The following RSRC1 variants were observed in gnomAD, a reference collection of about 807,000 sequenced individuals.
RSRC1 encodes serine/Arginine-related protein 53.
RSRC1 carries 39 observed loss-of-function variants against 49.1 expected under a neutral mutation model. The ratio of observed to expected loss-of-function variants is 0.79; its 90% CI spans 0.61 to 1.04. The LOEUF (loss-of-function observed/expected upper bound fraction) is 1.04, where lower values mean the gene tolerates loss of function less well. Among genes scored for constraint, RSRC1 ranks in the 50% least tolerant of loss-of-function variants. The pLI is 0.00. For synonymous variants in RSRC1, 143 were observed against 130.8 expected, an observed-to-expected ratio of 1.09 and a Z score of -0.63; for missense variants, 388 against 402.4, an observed-to-expected ratio of 0.96 and a Z score of 0.31.
intron 7 of RSRC1, among the ~76,000 whole-genome samples, chr3:158,474,456 G>A (rs1738281647): frequency 6.6e-6 from 1 of 152,164 alleles, no homozygotes; most frequent in Non-Finnish European, 1.5e-5. Context: ...GTTGATGGGT[G>A]CTCACTGATC....
intron 6 of RSRC1, among the ~76,000 whole-genome samples, chr3:158,367,115 C>G (rs557266150): frequency 2.4e-4 from 36 of 152,256 alleles, no homozygotes; most frequent in African/African-American, 8.2e-4. Flanking sequence ...TTCCTCTCTT[C>G]CTATTTGAAT....
chr3:158,151,361 T>A (rs927142451), intron 3 of RSRC1, among the ~76,000 whole-genome samples: 4 of 152,202 alleles, frequency 2.6e-5, no homozygotes, highest in African/African-American at 9.6e-5. Context: ...ACTCTGTGAC[T>A]TTGTGTCTTC....
chr3:158,145,447 T>G (rs961162721), intron 3 of RSRC1, among the ~76,000 whole-genome samples: 2 of 152,318 alleles, frequency 1.3e-5, no homozygotes, highest in Non-Finnish European at 1.5e-5. Context: ...GTTGTAGATA[T>G]GTGGTATTAT....
chr3:158,383,770 A>C (rs546925339), intron 6 of RSRC1, among the ~76,000 whole-genome samples: 3 of 152,166 alleles, frequency 2.0e-5, no homozygotes, highest in African/African-American at 7.2e-5. Context: ...ACAGTATACA[A>C]GTTTATAATG....
intron 4 of RSRC1, among the ~76,000 whole-genome samples, chr3:158,293,235 A>G (rs1488027404): frequency 6.6e-6 from 1 of 152,098 alleles, no homozygotes; most frequent in Admixed American, 6.6e-5. Context: ...CCTGACTCTC[A>G]TATATGTATA....
intron 4 of RSRC1, among the ~76,000 whole-genome samples, chr3:158,223,064 C>A (rs774319444): frequency 2.0e-5 from 3 of 151,724 alleles, no homozygotes; most frequent in Non-Finnish European, 4.4e-5. Context: ...TGTCAAGTGA[C>A]TTCTATTCTG....
At chr3:158,186,156 G>C (rs1327632018) in intron 3 of RSRC1, among the ~76,000 whole-genome samples, 2 of 151,808 alleles carry the variant, frequency 1.3e-5, no homozygotes, top group Non-Finnish European at 2.9e-5. Flanking sequence ...AAAGCCTTTA[G>C]ATCTTCTGTC....
chr3:158,398,198 T>C (rs1263219675), intron 6 of RSRC1, among the ~76,000 whole-genome samples: 1 of 152,116 alleles, frequency 6.6e-6, no homozygotes, highest in Non-Finnish European at 1.5e-5. Flanking sequence ...ATGAGACTCT[T>C]CAGTGAGGAG....
At chr3:158,518,091 CGTGCGTGTGTGTGT>C (rs1740674305) in intron 7 of RSRC1, among the ~76,000 whole-genome samples, 3 of 80,894 alleles carry the variant, frequency 3.7e-5, no homozygotes. Flanking sequence ...TACGTAAGTG[CGTGCGTGTGTGTGT>C]GTGTGTGTGT....
At chr3:158,132,343 T>C (rs1716088526) in intron 3 of RSRC1, 1 of 153,578 alleles carries the variant, frequency 6.5e-6, no homozygotes, top group South Asian at 2.0e-4. Context: ...AATTTACTTC[T>C]AATTTATCAT....
At chr3:158,529,734 A>G (rs1050337180) in intron 7 of RSRC1, among the ~76,000 whole-genome samples, 6 of 151,988 alleles carry the variant, frequency 3.9e-5, no homozygotes, top group African/African-American at 1.4e-4. Flanking sequence ...TTCCGTGGAC[A>G]TATATACACC....
At position 158,203,081 on chromosome 3, in the gene RSRC1, A is replaced by G. The variant is rs769800078; in HGVS notation, c.330A>G (p.Ser110=). 140 of 1,612,700 alleles carry G rather than the reference A, an allele frequency of 8.7e-5. No homozygotes were observed. In the Admixed American group the frequency reaches 2.3e-3, roughly 26 times the overall value. ...AATCTGCTTACTGTAGGTCCAGGTCAAGACCTCGTCTCCGTTCTCATAGTC... is the reference window on the plus strand; with the variant it reads ...AATCTGCTTACTGTAGGTCCAGGTCGAGACCTCGTCTCCGTTCTCATAGTC... ...RSKSRTRRSR[S]RPRLRSHSRS... is the part of the protein sequence containing the mutation. Residue 110 remains serine, a synonymous_variant, in exon 4 of 10, where the codon TCA becomes TCG. Coordinates refer to ENST00000611884, the MANE Select transcript of RSRC1 (RefSeq NM_001271838.2).
At chr3:158,229,618 A>G (rs1722839237) in intron 4 of RSRC1, among the ~76,000 whole-genome samples, 1 of 151,398 alleles carries the variant, frequency 6.6e-6, no homozygotes, top group Admixed American at 6.6e-5. Context: ...TGTGGGAGTT[A>G]ATATGCCTAG....
intron 5 of RSRC1, among the ~76,000 whole-genome samples, chr3:158,352,819 C>T (rs1730948126): frequency 6.6e-6 from 1 of 152,152 alleles, no homozygotes; most frequent in African/African-American, 2.4e-5. Context: ...GTTCTCCACA[C>T]TTCCCTGTGC....
At chr3:158,274,613 C>T (rs1725704193) in intron 4 of RSRC1, among the ~76,000 whole-genome samples, 1 of 152,124 alleles carries the variant, frequency 6.6e-6, no homozygotes, top group Non-Finnish European at 1.5e-5. Context: ...TCAGCAAAGT[C>T]AGAATTGAGA....
chr3:158,389,543 A>G (rs1733157154), intron 6 of RSRC1, among the ~76,000 whole-genome samples: 1 of 152,368 alleles, frequency 6.6e-6, no homozygotes, highest in Admixed American at 6.5e-5. Flanking sequence ...GGCAACTGAT[A>G]TACCATGTAG....
At chr3:158,508,115 A>G in intron 7 of RSRC1, among the ~76,000 whole-genome samples, 1 of 152,054 alleles carries the variant, frequency 6.6e-6, no homozygotes, top group Non-Finnish European at 1.5e-5. Flanking sequence ...ATAATAATCT[A>G]GGGATTTTTG....
At chr3:158,370,727 C>T (rs1434685844) in intron 6 of RSRC1, among the ~76,000 whole-genome samples, 1 of 151,628 alleles carries the variant, frequency 6.6e-6, no homozygotes, top group Non-Finnish European at 1.5e-5. Context: ...GTGTACAAGT[C>T]TGTTGGAATA....
At chr3:158,483,183 T>C (rs1738685993) in intron 7 of RSRC1, among the ~76,000 whole-genome samples, 1 of 152,064 alleles carries the variant, frequency 6.6e-6, no homozygotes, top group African/African-American at 2.4e-5. Context: ...TTGACTGTGA[T>C]TACATTTGCA....
Sources: gnomAD v4.1 joint callset for allele counts (sites outside exome capture counted in the v4.1 genomes callset) on GRCh38, gnomAD v4.1.1 for gene constraint, MANE v1.5 for transcripts, NCBI Gene and HGNC (gene_info 2026-07-23, HGNC 2026-07-21) for gene names.